Variants in KALRN observed in about 807,000 individuals in gnomAD.
The protein encoded by KALRN is kalirin RhoGEF kinase.
A neutral mutation model predicts 353.7 loss-of-function variants in KALRN; 70 were observed. The observed-to-expected ratio is 0.20, with a 90% CI of 0.16 to 0.24. The LOEUF is 0.24. KALRN is among the 10% of genes least tolerant of loss of function. KALRN has a pLI of 1.00. For synonymous variants in KALRN, 1,391 were observed against 1,434.8 expected (o/e 0.97, Z 0.69); for missense variants, 2,791 against 3,756.7 (o/e 0.74, Z 6.72).
chr3:124,203,865 C>T lies in KALRN; in HGVS notation c.74-24125C>T, dbSNP rs1579339298. Among the ~76,000 whole-genome samples the T allele has an allele frequency of 2.0e-5, 3 of 152,172 alleles. No individual in the cohort carries two copies. The East Asian group carries it at 5.8e-4, about 29-fold the overall frequency. ...ATGTGAGCAACACGGGTTTGAATTGCGTGGGTCCACTTATACATGGATTTT... is the reference window on the plus strand; with the variant it reads ...ATGTGAGCAACACGGGTTTGAATTGTGTGGGTCCACTTATACATGGATTTT... On this transcript the variant is annotated intron_variant, in intron 1 of 59. Coordinates refer to ENST00000682506, the MANE Select transcript of KALRN (RefSeq NM_001388419.1).
chr3:124,495,739 A>AG (rs1456691321), intron 32 of KALRN, among the ~76,000 whole-genome samples: 1 of 147,868 alleles, frequency 6.8e-6, no homozygotes, highest in Non-Finnish European at 1.5e-5. Context: ...TAAAAAAAAA[A>AG]AAAAAAAAAA....
Position 124,474,121 on chromosome 3 carries a change from T to C in KALRN, c.4032-542T>C, listed in dbSNP as rs1216755469. Among the ~76,000 whole-genome samples the C allele has an allele frequency of 2.0e-5, 3 of 152,206 alleles. No homozygotes were observed. In the East Asian group the frequency reaches 5.8e-4, roughly 29 times the overall value. On this transcript the variant is annotated intron_variant, in intron 25 of 59. Transcript: ENST00000682506. ...CAGCTTTGGAATATATTGTGAATTT[T>C]TACCCATTAAGTTTTCTTTCCTAAT... is the stretch of plus-strand genomic sequence containing the variant.
intron 47 of KALRN, among the ~76,000 whole-genome samples, chr3:124,668,847 G>A (rs190758927): frequency 1.1e-4 from 17 of 152,298 alleles, no homozygotes; most frequent in Admixed American, 3.9e-4. Context: ...ATGCAAAAAT[G>A]TGTTCATATA....
chr3:124,242,512 G>A lies in KALRN; in HGVS notation c.263+7569G>A, dbSNP rs555153761. Among the ~76,000 whole-genome samples, 188 of 152,260 alleles carry A rather than the reference G, an allele frequency of 1.2e-3. 1 individual carries two copies. Among genetic ancestry groups the A allele is most frequent in the African/African-American group, 4.2e-3 (176 of 41,546 alleles). ...TGGCAGAGTGAGAGGACTGATTTGG[G>A]GAGAGTAAGAAGGTGAACTCTGAAG... On this transcript the variant is annotated intron_variant, in intron 3 of 59. Coordinates refer to ENST00000682506, the MANE Select transcript of KALRN (RefSeq NM_001388419.1).
intron 43 of KALRN, among the ~76,000 whole-genome samples, chr3:124,660,342 C>T (rs1366387538): frequency 6.6e-6 from 1 of 152,122 alleles, no homozygotes; most frequent in African/African-American, 2.4e-5. Context: ...CATAATCCCC[C>T]TTTCCTTTGT....
intron 1 of KALRN, among the ~76,000 whole-genome samples, chr3:124,051,122 T>C (rs2040998338): frequency 6.6e-6 from 1 of 152,206 alleles, no homozygotes; most frequent in South Asian, 2.1e-4. Flanking sequence ...CATGTAAACA[T>C]GCAAGGGTGT....
intron 1 of KALRN, among the ~76,000 whole-genome samples, chr3:124,111,871 C>T (rs1042697645): frequency 6.6e-6 from 1 of 152,112 alleles, no homozygotes; most frequent in Non-Finnish European, 1.5e-5. Context: ...AATCATATTA[C>T]AAATTACTTC....
At chr3:124,604,961 C>A (rs1203682335) in intron 34 of KALRN, among the ~76,000 whole-genome samples, 1 of 152,036 alleles carries the variant, frequency 6.6e-6, no homozygotes, top group Non-Finnish European at 1.5e-5. Flanking sequence ...TCCAAACCAG[C>A]CTGAGCAACA....
intron 1 of KALRN, among the ~76,000 whole-genome samples, chr3:124,200,008 C>T (rs753636028): frequency 2.0e-5 from 3 of 152,156 alleles, no homozygotes; most frequent in Non-Finnish European, 4.4e-5. Flanking sequence ...TCCCCATGAC[C>T]GATCCTCTTC....
At chr3:124,625,381 G>A (rs564896546) in intron 34 of KALRN, among the ~76,000 whole-genome samples, 3 of 152,170 alleles carry the variant, frequency 2.0e-5, no homozygotes, top group Non-Finnish European at 4.4e-5. Context: ...CAGAAAATGA[G>A]TGTTTTGACA....
At chr3:124,489,773 AC>A (rs2062944592) in intron 29 of KALRN, among the ~76,000 whole-genome samples, 1 of 152,080 alleles carries the variant, frequency 6.6e-6, no homozygotes, top group South Asian at 2.1e-4. Flanking sequence ...ACATTCATGG[AC>A]TCACCCCACA....
At chr3:124,364,585 T>C (rs540636011) in intron 10 of KALRN, among the ~76,000 whole-genome samples, 1 of 152,344 alleles carries the variant, frequency 6.6e-6, no homozygotes, top group South Asian at 2.1e-4. Context: ...TGGCCGACAG[T>C]GCATGGTGAA....
intron 14 of KALRN, among the ~76,000 whole-genome samples, chr3:124,419,698 T>G (rs2092689282): frequency 6.6e-6 from 1 of 152,118 alleles, no homozygotes. Flanking sequence ...GGAACCAACC[T>G]CAATGGAAGT....
intron 1 of KALRN, among the ~76,000 whole-genome samples, chr3:124,197,361 G>T (rs1347148834): frequency 1.3e-5 from 2 of 152,200 alleles, no homozygotes; most frequent in Admixed American, 6.5e-5. Context: ...TCAAGCCCTT[G>T]CTTCTGGCCT....
chr3:124,668,247 C>G (rs1014568148), intron 47 of KALRN, among the ~76,000 whole-genome samples: 1 of 152,124 alleles, frequency 6.6e-6, no homozygotes, highest in South Asian at 2.1e-4. Context: ...GTACTAGGAT[C>G]TGGACTCTTT....
At chr3:124,165,098 T>C (rs889992736) in intron 1 of KALRN, among the ~76,000 whole-genome samples, 2 of 152,240 alleles carry the variant, frequency 1.3e-5, no homozygotes, top group Admixed American at 1.3e-4. Context: ...GAATGGAAAC[T>C]TGTTATTCCT....
At chr3:124,204,039 C>T (rs986948501) in intron 1 of KALRN, among the ~76,000 whole-genome samples, 3 of 152,152 alleles carry the variant, frequency 2.0e-5, no homozygotes, top group Non-Finnish European at 4.4e-5. Flanking sequence ...ACGCGGAGGT[C>T]CTGGAACCAA....
chr3:124,355,162 G>A lies in KALRN; in HGVS notation c.1770+7897G>A, dbSNP rs111898985. On this transcript the variant is annotated intron_variant, in intron 10 of 59. Coordinates refer to ENST00000682506, the MANE Select transcript of KALRN (RefSeq NM_001388419.1). ...ATCATTGTAGAAAAGTTCAAAAAGT[G>A]TAGTTTGTGTATAAACTCCCAAGAA... Among the ~76,000 whole-genome samples the A allele has an allele frequency of 8.5e-5, 13 of 152,282 alleles. 1 individual carries two copies. Among genetic ancestry groups the A allele is most frequent in the African/African-American group, 2.9e-4 (12 of 41,560 alleles).
At chr3:124,127,572 G>A (rs1159734292) in intron 1 of KALRN, among the ~76,000 whole-genome samples, 1 of 152,156 alleles carries the variant, frequency 6.6e-6, no homozygotes, top group African/African-American at 2.4e-5. Flanking sequence ...TTATGAATGA[G>A]ATCTTAGAGT....
Sources: allele counts gnomAD v4.1 joint callset (sites outside exome capture counted in the v4.1 genomes callset), GRCh38; gene constraint gnomAD v4.1.1; transcripts MANE v1.5; gene names NCBI Gene and HGNC (gene_info 2026-07-23, HGNC 2026-07-21).